The following ATG4B variants were observed in gnomAD, a reference collection of about 807,000 sequenced individuals.
ATG4B encodes autophagy related 4B cysteine peptidase.
Under a neutral mutation model 56.6 loss-of-function variants are expected in ATG4B, and 29 were observed. The observed-to-expected ratio is 0.51, with a 90% CI of 0.38 to 0.70. The LOEUF (loss-of-function observed/expected upper bound fraction) is 0.70. Among genes scored for constraint, ATG4B ranks in the 30% least tolerant of loss-of-function variants. ATG4B has a pLI of 0.00. For synonymous variants in ATG4B, 224 were observed against 206.1 expected, an observed-to-expected ratio of 1.09 and a Z score of -0.74; for missense variants, 461 against 515.5, an observed-to-expected ratio of 0.89 and a Z score of 1.02.
chr2:241,660,069 A>G (rs914029275), intron 7 of ATG4B, among the ~76,000 whole-genome samples: 1 of 152,192 alleles, frequency 6.6e-6, no homozygotes, highest in African/African-American at 2.4e-5. Context: ...ACGCGCCTAT[A>G]GTCCCAGCTA....
intron 6 of ATG4B, among the ~76,000 whole-genome samples, chr2:241,657,933 G>A (rs551958855): frequency 2.9e-4 from 44 of 152,310 alleles, no homozygotes; most frequent in Middle Eastern, 3.4e-3. Context: ...CAGCCTCAGG[G>A]CCTTTGCATG....
chr2:241,649,207 G>A (rs1194629135), intron 1 of ATG4B, among the ~76,000 whole-genome samples: 3 of 152,216 alleles, frequency 2.0e-5, no homozygotes, highest in Non-Finnish European at 4.4e-5. Context: ...CACACACGAT[G>A]CTTTTTAGTA....
At chr2:241,669,286 C>G (rs968231342) in intron 10 of ATG4B, among the ~76,000 whole-genome samples, 1 of 152,196 alleles carries the variant, frequency 6.6e-6, no homozygotes, top group African/African-American at 2.4e-5. Context: ...CCCTAGAAAT[C>G]ATGAATGACG....
intron 3 of ATG4B, among the ~76,000 whole-genome samples, chr2:241,652,646 A>G (rs2068258397): frequency 6.6e-6 from 1 of 152,132 alleles, no homozygotes; most frequent in African/African-American, 2.4e-5. Flanking sequence ...ACAGGTGCAC[A>G]CCACCACGCC....
At chr2:241,648,079 A>T (rs1204746831) in intron 1 of ATG4B, among the ~76,000 whole-genome samples, 3 of 152,118 alleles carry the variant, frequency 2.0e-5, no homozygotes, top group African/African-American at 7.2e-5. Context: ...ATGCCACTGC[A>T]CTTCAGCCTG....
At chr2:241,638,235 C>G (rs2067744766) in intron 1 of ATG4B, 2 of 152,216 alleles carry the variant, frequency 1.3e-5, no homozygotes, top group African/African-American at 2.4e-5. Context: ...GTATACGTAT[C>G]TTTTTTGTTT....
intron 1 of ATG4B, among the ~76,000 whole-genome samples, chr2:241,647,123 G>A (rs2068083405): frequency 6.6e-6 from 1 of 152,012 alleles, no homozygotes; most frequent in African/African-American, 2.4e-5. Context: ...ATTTACAATG[G>A]GTTTATTGGA....
At chr2:241,650,954 A>G in intron 1 of ATG4B, 56 bp from the exon 2 acceptor site, 3 of 1,437,406 alleles carry the variant, frequency 2.1e-6, no homozygotes, top group South Asian at 1.2e-5. Context: ...GCCTCTTTCG[A>G]TACTAGTTTA....
chr2:241,668,769 T>C lies in ATG4B; in HGVS notation c.957+84T>C. 2 of 1,424,970 alleles carry C rather than the reference T, an allele frequency of 1.4e-6. No individual in the cohort carries two copies. Among genetic ancestry groups the C allele is most frequent in the South Asian group, 1.3e-5 (1 of 74,914 alleles). 88.3% of individuals were successfully genotyped at this position (1,424,970 alleles called of 1,614,324 possible). On this transcript the variant is annotated intron_variant, in intron 10 of 12. Transcript: ENST00000404914. The surrounding 1 kb of genome is among the most constrained non-coding windows in gnomAD (Gnocchi z 4.2). The stretch of plus-strand genomic sequence containing the variant: ...CGAGGAAAACTTTCGGATTTTTGCG[T>C]TTTTTTTTTCAGCATGTTGGGATAA...
intron 4 of ATG4B, 41 bp downstream of exon 4, chr2:241,653,651 C>G (rs1445241995): frequency 1.3e-6 from 2 of 1,541,546 alleles, no homozygotes; most frequent in African/African-American, 2.7e-5. Flanking sequence ...CCACGGTGTT[C>G]TCAGGAAGCA....
rs993302063 is a variant in ATG4B, at chr2:241,668,950, C to T, written c.957+265C>T. ...GTGTCTGGATGTGAGCGTGTGTGGG[C>T]GCGTGCTGAGTGTGCATGGATGAGT... On this transcript the variant is annotated intron_variant, in intron 10 of 12. Coordinates refer to ENST00000404914, the MANE Select transcript of ATG4B (RefSeq NM_013325.5). The surrounding 1 kb of genome is among the most constrained non-coding windows in gnomAD (Gnocchi z 4.2). 13 of 508,750 alleles carry T rather than the reference C, an allele frequency of 2.6e-5. No homozygotes were observed. The highest frequency in any genetic ancestry group is 1.2e-4 in the South Asian group (5 of 42,278). 31.5% of individuals were successfully genotyped at this position (508,750 alleles called of 1,614,324 possible). A position where few individuals can be genotyped will look rare whatever the true frequency, so the allele number is the denominator to read the frequency against.
chr2:241,653,345 C>G (rs902696122), intron 3 of ATG4B, 167 bp from the exon 4 acceptor site: 1 of 1,549,762 alleles, frequency 6.5e-7, no homozygotes, highest in South Asian at 1.2e-5. Flanking sequence ...TAAATGTGGC[C>G]CTTGGCGTTA....
intron 7 of ATG4B, among the ~76,000 whole-genome samples, chr2:241,665,051 T>TAGC (rs1366747787): frequency 6.6e-6 from 1 of 152,162 alleles, no homozygotes; most frequent in Non-Finnish European, 1.5e-5. Flanking sequence ...GTGCAGGTGT[T>TAGC]TGAGGCTGCA....
chr2:241,644,274 G>C (rs1018667381), intron 1 of ATG4B, among the ~76,000 whole-genome samples: 3 of 152,100 alleles, frequency 2.0e-5, no homozygotes, highest in Non-Finnish European at 4.4e-5. Flanking sequence ...GGCCGGAAGG[G>C]GGAGGTTGCA....
At chr2:241,665,557 T>G (rs576616446) in intron 7 of ATG4B, among the ~76,000 whole-genome samples, 4 of 152,360 alleles carry the variant, frequency 2.6e-5, no homozygotes, top group Admixed American at 6.5e-5. Flanking sequence ...ACGCTGGATT[T>G]GTCTGCTTCC....
chr2:241,648,975 T>C (rs2068147457), intron 1 of ATG4B, among the ~76,000 whole-genome samples: 1 of 152,244 alleles, frequency 6.6e-6, no homozygotes, highest in Non-Finnish European at 1.5e-5. Context: ...ATTGCAGCCC[T>C]TCTGTCTGCC....
At chr2:241,639,485 A>C (rs534613101) in intron 1 of ATG4B, among the ~76,000 whole-genome samples, 3 of 152,324 alleles carry the variant, frequency 2.0e-5, no homozygotes, top group South Asian at 2.1e-4. Flanking sequence ...CAGAGGGCCC[A>C]GGGCCACAGT....
rs150425346 is a variant in ATG4B at position 241,659,530 on chromosome 2, C to A, written c.538+343C>A. 3 of 371,336 alleles carry A rather than the reference C, an allele frequency of 8.1e-6. No individual in the cohort carries two copies. The Admixed American group carries it at 1.1e-4, about 13-fold the overall frequency. 23.0% of individuals were successfully genotyped at this position (371,336 alleles called of 1,614,324 possible). A position where few individuals can be genotyped will look rare whatever the true frequency, so the allele number is the denominator to read the frequency against. ...AAGTTATTTTGCGTGCCTTGATGTG[C>A]GACAGAGAGATGTAGCAACCATCTC... On this transcript the variant is annotated intron_variant, in intron 7 of 12. Coordinates refer to ENST00000404914, the MANE Select transcript of ATG4B (RefSeq NM_013325.5).
Position 241,668,355 on chromosome 2 carries a change from C to G in ATG4B, c.811+134C>G. 1 of 1,378,570 alleles carries G rather than the reference C, an allele frequency of 7.3e-7. No individual in the cohort carries two copies. Among genetic ancestry groups the G allele is most frequent in the Non-Finnish European group, 1.0e-6 (1 of 995,346 alleles). The allele number at this position is 1,378,570 out of a possible 1,614,324, so 85.4% of individuals were successfully genotyped here. A position where few individuals can be genotyped will look rare whatever the true frequency, so the allele number is the denominator to read the frequency against. On this transcript the variant is annotated intron_variant, in intron 9 of 12. Transcript: ENST00000404914. This position sits in a 1 kb window ranked among gnomAD's most constrained non-coding sequence, Gnocchi z 4.2. ...AGCATGCCCTGGGGTTCATTTTCAG[C>G]CTGGTCGCGGGCGGCCTCCTGTGTG... is the stretch of plus-strand genomic sequence containing the variant.
Sources: gnomAD v4.1 joint callset for allele counts (sites outside exome capture counted in the v4.1 genomes callset) on GRCh38, gnomAD v4.1.1 for gene constraint, Gnocchi (gnomAD v3.1) non-coding constraint, MANE v1.5 for transcripts, NCBI Gene and HGNC (gene_info 2026-07-23, HGNC 2026-07-21) for gene names.